Variants in MARCHF11 observed in about 807,000 individuals in gnomAD.
MARCHF11 encodes E3 ubiquitin-protein ligase MARCHF11.
A neutral mutation model predicts 37.3 loss-of-function variants in MARCHF11; 29 were observed. The observed-to-expected ratio is 0.78, with a 90% CI of 0.58 to 1.06. The LOEUF (loss-of-function observed/expected upper bound fraction) is 1.06, where lower values mean the gene tolerates loss of function less well. MARCHF11 is among the 50% of genes least tolerant of loss of function. The pLI is 0.00. For missense variants in MARCHF11, 482 were observed against 533.4 expected (o/e 0.90, Z 0.95); for synonymous variants, 233 against 228.0 (o/e 1.02, Z -0.20).
At chr5:16,081,561 T>C (rs1992719) in intron 3 of MARCHF11, among the ~76,000 whole-genome samples, 52,659 of 152,076 alleles carry the variant, frequency 0.35, 10,009 homozygotes, top group East Asian at 0.64. Flanking sequence ...TGCCAAGCCT[T>C]GTTCTATTTA....
intron 2 of MARCHF11, among the ~76,000 whole-genome samples, chr5:16,148,335 C>A (rs902259010): frequency 6.6e-6 from 1 of 151,938 alleles, no homozygotes; most frequent in Admixed American, 6.6e-5. Context: ...TTTTAGATAC[C>A]CCTTAGAAAT....
chr5:16,156,153 T>C (rs344732), intron 2 of MARCHF11, among the ~76,000 whole-genome samples: 151,865 of 152,034 alleles, frequency 1, 75,848 homozygotes, highest in Middle Eastern at 1. Flanking sequence ...AATGTATTTA[T>C]TGTAAACTTA....
At chr5:16,156,571 TCAATGA>T (rs1169306698) in intron 2 of MARCHF11, among the ~76,000 whole-genome samples, 2 of 151,912 alleles carry the variant, frequency 1.3e-5, no homozygotes, top group Non-Finnish European at 2.9e-5. Context: ...TTCCTCACTC[TCAATGA>T]CACTTTATGC....
At chr5:16,090,815 C>A in intron 3 of MARCHF11, 74 bp downstream of exon 3, 1 of 1,185,616 alleles carries the variant, frequency 8.4e-7, no homozygotes, top group South Asian at 2.4e-5. Context: ...CTATTAGATC[C>A]GAATGGTGAA....
At chr5:16,085,939 C>CACA (rs1265723141) in intron 3 of MARCHF11, among the ~76,000 whole-genome samples, 2 of 40,952 alleles carry the variant, frequency 4.9e-5, no homozygotes, top group Non-Finnish European at 9.3e-5. Flanking sequence ...GACTCCATCT[C>CACA]AAAAAAAAAA....
At chr5:16,163,728 G>A (rs1342708910) in intron 2 of MARCHF11, among the ~76,000 whole-genome samples, 1 of 152,080 alleles carries the variant, frequency 6.6e-6, no homozygotes, top group Non-Finnish European at 1.5e-5. Context: ...TGATTTGAAT[G>A]ATGATGTCCC....
intron 3 of MARCHF11, among the ~76,000 whole-genome samples, chr5:16,072,584 G>A (rs554673089): frequency 7.9e-5 from 12 of 151,868 alleles, no homozygotes; most frequent in Non-Finnish European, 1.5e-4. Flanking sequence ...GGACATAACA[G>A]GGAGATGGCA....
chr5:16,106,440 C>A (rs1737041342), intron 2 of MARCHF11, among the ~76,000 whole-genome samples: 1 of 152,210 alleles, frequency 6.6e-6, no homozygotes, highest in East Asian at 1.9e-4. Context: ...GAGCTCTCTA[C>A]AGGCAGGATG....
chr5:16,178,240 C>T (rs1486916675), intron 1 of MARCHF11, among the ~76,000 whole-genome samples: 3 of 152,166 alleles, frequency 2.0e-5, no homozygotes, highest in Non-Finnish European at 4.4e-5. Context: ...AAAGAAGAAA[C>T]GCATGGCATC....
At chr5:16,069,316 C>T (rs1736398437) in intron 3 of MARCHF11, among the ~76,000 whole-genome samples, 1 of 151,978 alleles carries the variant, frequency 6.6e-6, no homozygotes, top group Non-Finnish European at 1.5e-5. Flanking sequence ...CATATAAAAG[C>T]ATTGATGAGA....
chr5:16,141,938 G>A (rs1011063745), intron 2 of MARCHF11, among the ~76,000 whole-genome samples: 1 of 152,118 alleles, frequency 6.6e-6, no homozygotes, highest in African/African-American at 2.4e-5. Flanking sequence ...TTCGTGGGGG[G>A]ATCTCCTTCC....
chr5:16,167,503 T>C (rs541113201), intron 2 of MARCHF11, among the ~76,000 whole-genome samples: 31 of 152,240 alleles, frequency 2.0e-4, no homozygotes, highest in Admixed American at 1.8e-3. Flanking sequence ...GGCTTTGAAC[T>C]GACTGGCTGC....
chr5:16,131,887 T>C (rs796316698), intron 2 of MARCHF11, among the ~76,000 whole-genome samples: 6 of 152,360 alleles, frequency 3.9e-5, no homozygotes, highest in African/African-American at 1.4e-4. Flanking sequence ...TGATGTGGCA[T>C]CATTTAAAGG....
At chr5:16,085,968 A>AAAAAAAAAAAAAAAAAAAAAAAAAC (rs1736692544) in intron 3 of MARCHF11, among the ~76,000 whole-genome samples, 1 of 137,646 alleles carries the variant, frequency 7.3e-6, no homozygotes, top group Non-Finnish European at 1.6e-5. Context: ...AAAAAAAAAA[A>AAAAAAAAAAAAAAAAAAAAAAAAAC]AAAAAAAAAT....
At chr5:16,175,513 T>C (rs1047305239) in intron 2 of MARCHF11, among the ~76,000 whole-genome samples, 2 of 152,200 alleles carry the variant, frequency 1.3e-5, no homozygotes, top group Non-Finnish European at 2.9e-5. Context: ...TTTTACTAGA[T>C]AGGTACCTAG....
At chr5:16,152,265 C>A (rs1737902084) in intron 2 of MARCHF11, among the ~76,000 whole-genome samples, 1 of 151,952 alleles carries the variant, frequency 6.6e-6, no homozygotes, top group Non-Finnish European at 1.5e-5. Flanking sequence ...ATCCATCTGT[C>A]TATTAAAGAA....
At chr5:16,135,965 C>G (rs931812451) in intron 2 of MARCHF11, among the ~76,000 whole-genome samples, 1 of 149,046 alleles carries the variant, frequency 6.7e-6, no homozygotes, top group Non-Finnish European at 1.5e-5. Flanking sequence ...CGAGAAAGAG[C>G]AAAATGATGT....
Position 16,179,676 on chromosome 5 carries a change from A to G in MARCHF11, c.-101T>C, listed in dbSNP as rs1160263635. On this transcript the variant is annotated 5_prime_UTR_variant, in exon 1 of 4. Transcript: ENST00000332432. ...GGGGCGGGAGGGAGAGGGGAAAAGGAGGGAGGGGGCCCGGACGCCTGGGGC... is the reference window on the plus strand; with the variant it reads ...GGGGCGGGAGGGAGAGGGGAAAAGGGGGGAGGGGGCCCGGACGCCTGGGGC... 5 of 316,920 alleles carry G rather than the reference A, an allele frequency of 1.6e-5. No individual in the cohort carries two copies. Among genetic ancestry groups the G allele is most frequent in the Non-Finnish European group, 1.9e-5 (5 of 269,500 alleles). 19.6% of individuals were successfully genotyped at this position (316,920 alleles called of 1,614,324 possible). A position where few individuals can be genotyped will look rare whatever the true frequency, so the allele number is the denominator to read the frequency against.
intron 2 of MARCHF11, among the ~76,000 whole-genome samples, chr5:16,173,548 C>T (rs950247223): frequency 3.9e-5 from 6 of 152,156 alleles, no homozygotes; most frequent in Non-Finnish European, 8.8e-5. Flanking sequence ...ATTACACCTG[C>T]TTTTAAAAAT....
Sources: allele counts gnomAD v4.1 joint callset (sites outside exome capture counted in the v4.1 genomes callset), GRCh38; gene constraint gnomAD v4.1.1; transcripts MANE v1.5; gene names NCBI Gene and HGNC (gene_info 2026-07-23, HGNC 2026-07-21).